The following CEP63 variants were observed in gnomAD, a reference collection of about 807,000 sequenced individuals.
CEP63 encodes the protein centrosomal protein 63.
A neutral mutation model predicts 89.1 loss-of-function variants in CEP63; 84 were observed. The ratio of observed to expected loss-of-function variants is 0.94; its 90% CI spans 0.79 to 1.13. CEP63 has a LOEUF of 1.13. Among genes scored for constraint, CEP63 ranks in the 50% most tolerant of loss-of-function variants. The pLI, the probability that CEP63 is intolerant of heterozygous loss-of-function variation, is 0.00. For missense variants in CEP63, 838 were observed against 813.3 expected, an observed-to-expected ratio of 1.03 and a Z score of -0.37; for synonymous variants, 267 against 272.5, an observed-to-expected ratio of 0.98 and a Z score of 0.20.
downstream of CEP63, among the ~76,000 whole-genome samples, chr3:134,575,264 T>A: frequency 8.5e-6 from 1 of 118,014 alleles, no homozygotes; most frequent in African/African-American, 3.2e-5. Context: ...CCTTCCTTGC[T>A]TCCCTCTTTC....
intron 11 of CEP63, among the ~76,000 whole-genome samples, chr3:134,572,290 C>T (rs1040971704): frequency 3.9e-4 from 60 of 152,136 alleles, no homozygotes; most frequent in Admixed American, 9.8e-4. Flanking sequence ...AGGGGGTGCA[C>T]GTGCAGGTTT....
At chr3:134,644,344 C>T in the CEP63 span, among the ~76,000 whole-genome samples, 5 of 152,260 alleles carry the variant, frequency 3.3e-5, no homozygotes, top group Non-Finnish European at 7.3e-5. Flanking sequence ...ATGCCTAGTT[C>T]CTGCCATAGG....
At chr3:134,708,512 G>A in the CEP63 span, among the ~76,000 whole-genome samples, 1 of 152,192 alleles carries the variant, frequency 6.6e-6, no homozygotes, top group Admixed American at 6.5e-5. Flanking sequence ...CTGCAGTTCT[G>A]TCTAGCTGTT....
intron 1 of CEP63, among the ~76,000 whole-genome samples, chr3:134,488,557 C>T (rs1936488095): frequency 6.6e-6 from 1 of 151,322 alleles, no homozygotes; most frequent in East Asian, 2.0e-4. Context: ...TGCAGTGAGC[C>T]GAGATCACAC....
the CEP63 span, among the ~76,000 whole-genome samples, chr3:134,598,641 G>A: frequency 2.0e-5 from 3 of 152,210 alleles, no homozygotes; most frequent in African/African-American, 7.2e-5. Flanking sequence ...GAGAGAAGGT[G>A]GAGTTGGGAG....
intron 1 of CEP63, among the ~76,000 whole-genome samples, chr3:134,493,880 G>C (rs1938639664): frequency 6.6e-6 from 1 of 152,128 alleles, no homozygotes; most frequent in Non-Finnish European, 1.5e-5. Flanking sequence ...GATTAGCCCA[G>C]GGGCAGAACC....
chr3:134,672,740 C>G, the CEP63 span, among the ~76,000 whole-genome samples: 1 of 152,194 alleles, frequency 6.6e-6, no homozygotes, highest in Non-Finnish European at 1.5e-5. Context: ...TGGCTCTCTA[C>G]GTACTCATTC....
At chr3:134,527,624 G>A (rs1948938255) in intron 3 of CEP63, among the ~76,000 whole-genome samples, 1 of 152,198 alleles carries the variant, frequency 6.6e-6, no homozygotes, top group Non-Finnish European at 1.5e-5. Flanking sequence ...GTTGCTATGG[G>A]CCTAGGGAAG....
chr3:134,602,538 G>A, the CEP63 span, among the ~76,000 whole-genome samples: 2 of 152,312 alleles, frequency 1.3e-5, no homozygotes, highest in South Asian at 2.1e-4. Flanking sequence ...GACACTGGGG[G>A]CAGGCAGAGC....
the CEP63 span, among the ~76,000 whole-genome samples, chr3:134,630,643 A>G: frequency 1.3e-5 from 2 of 152,226 alleles, no homozygotes; most frequent in African/African-American, 4.8e-5. Flanking sequence ...TTCAGGAAGT[A>G]AACTGTGGGG....
the CEP63 span, chr3:134,650,955 C>T: frequency 3.1e-6 from 5 of 1,613,106 alleles, no homozygotes; most frequent in African/African-American, 6.7e-5. Flanking sequence ...CCTTCTTCAG[C>T]TCCATGATGC....
chr3:134,537,352 A>G, intron 6 of CEP63, 84 bp downstream of exon 6: 3 of 874,816 alleles, frequency 3.4e-6, no homozygotes, highest in Non-Finnish European at 5.8e-6. Context: ...TCCTAGTACC[A>G]TTTAGCCTCT....
At chr3:134,613,857 C>T in the CEP63 span, among the ~76,000 whole-genome samples, 1 of 152,204 alleles carries the variant, frequency 6.6e-6, no homozygotes, top group African/African-American at 2.4e-5. Flanking sequence ...GGAGTTTTGT[C>T]TCCAGCCACT....
the CEP63 span, among the ~76,000 whole-genome samples, chr3:134,665,692 C>G: frequency 6.7e-5 from 6 of 90,092 alleles, no homozygotes; most frequent in East Asian, 7.7e-4. Flanking sequence ...CACACACACA[C>G]ACACACACAC....
the CEP63 span, among the ~76,000 whole-genome samples, chr3:134,708,534 A>G: frequency 3.3e-5 from 5 of 152,210 alleles, no homozygotes; most frequent in Non-Finnish European, 7.3e-5. Flanking sequence ...AAAAGTTTAT[A>G]TACTTTTTAT....
the CEP63 span, among the ~76,000 whole-genome samples, chr3:134,644,431 G>A: frequency 6.6e-6 from 1 of 152,182 alleles, no homozygotes; most frequent in African/African-American, 2.4e-5. Flanking sequence ...TACAGCTGCT[G>A]CTGTGGCCTG....
the CEP63 span, among the ~76,000 whole-genome samples, chr3:134,748,690 G>A: frequency 6.6e-6 from 1 of 152,194 alleles, no homozygotes; most frequent in Non-Finnish European, 1.5e-5. Flanking sequence ...ATCTTGTGAT[G>A]ACTGATGGGC....
chr3:134,633,042 A>G, the CEP63 span, among the ~76,000 whole-genome samples: 1 of 152,060 alleles, frequency 6.6e-6, no homozygotes, highest in East Asian at 1.9e-4. Context: ...AAAAGTCACT[A>G]ACTACCACAA....
the CEP63 span, among the ~76,000 whole-genome samples, chr3:134,748,161 GT>G: frequency 2.0e-5 from 3 of 152,214 alleles, no homozygotes; most frequent in South Asian, 6.2e-4. Flanking sequence ...CTTCTCAGAG[GT>G]TCCTGCAAGA....
Sources: gnomAD v4.1 joint callset for allele counts (sites outside exome capture counted in the v4.1 genomes callset) on GRCh38, gnomAD v4.1.1 for gene constraint, MANE v1.5 for transcripts, NCBI Gene and HGNC (gene_info 2026-07-23, HGNC 2026-07-21) for gene names.